ULK4: variants seen among roughly 807,000 people sequenced by gnomAD.
ULK4 encodes inactive serine/threonine-protein kinase ULK4.
ULK4 carries 133 observed loss-of-function variants against 160.6 expected under a neutral mutation model. The ratio of observed to expected loss-of-function variants is 0.83; its 90% CI spans 0.72 to 0.96. The LOEUF (loss-of-function observed/expected upper bound fraction) is 0.96. Ranked by LOEUF, ULK4 falls within the 40% of genes least tolerant of loss-of-function variation. ULK4 has a pLI of 0.00. For synonymous variants in ULK4, 534 were observed against 539.8 expected (o/e 0.99, Z 0.15); for missense variants, 1,580 against 1,499.5 (o/e 1.05, Z -0.89).
chr3:41,940,874 A>G lies in ULK4; in HGVS notation c.139-2677T>C, dbSNP rs79745989. Among the ~76,000 whole-genome samples, 1,191 of 152,272 alleles carry G rather than the reference A, an allele frequency of 7.8e-3. 47 individuals are homozygous for G. In the East Asian group the frequency reaches 0.13, roughly 16 times the overall value. On this transcript the variant is annotated intron_variant, in intron 2 of 36. Coordinates refer to ENST00000301831, the MANE Select transcript of ULK4 (RefSeq NM_017886.4). ...ACAAATGATAAAGATGCAAAAGCCT[A>G]TCTGTTAAAAAATACTAAGTTGTTT... is the stretch of plus-strand genomic sequence containing the variant.
In ULK4 at chr3:41,412,553, A is replaced by ATTTTTTTTTTTTTTTTTTTTTTTT. The variant is rs57224854; in HGVS notation, c.3493-14313_3493-14290dup. ...TAAAGGTCAATGGCAATGCAGTTGA[A>ATTTTTTTTTTTTTTTTTTTTTTTT]TTTTTTTTTTTTTTTTTTTTTTTTT... On this transcript the variant is annotated intron_variant, in intron 34 of 36. Coordinates refer to ENST00000301831, the MANE Select transcript of ULK4 (RefSeq NM_017886.4). 3.4e-4 allele frequency among the ~76,000 whole-genome samples: 34 copies of ATTTTTTTTTTTTTTTTTTTTTTTT among 100,426 alleles called. 2 individuals are homozygous for ATTTTTTTTTTTTTTTTTTTTTTTT. The highest frequency in any genetic ancestry group is 6.0e-4 in the South Asian group (2 of 3,358). 65.9% of individuals were successfully genotyped at this position (100,426 alleles called of 152,430 possible).
At chr3:41,276,451 C>A (rs1199241826) in intron 35 of ULK4, among the ~76,000 whole-genome samples, 1 of 152,168 alleles carries the variant, frequency 6.6e-6, no homozygotes, top group African/African-American at 2.4e-5. Context: ...AGCCCTTGCA[C>A]CCTTCACGAG....
intron 35 of ULK4, among the ~76,000 whole-genome samples, chr3:41,373,758 C>T (rs1293822458): frequency 6.6e-6 from 1 of 152,048 alleles, no homozygotes; most frequent in East Asian, 1.9e-4. Context: ...AATTCAAAAG[C>T]TAGCAGAAGG....
chr3:41,492,381 T>C (rs541572171), intron 32 of ULK4, among the ~76,000 whole-genome samples: 4 of 141,924 alleles, frequency 2.8e-5, no homozygotes, highest in Admixed American at 1.4e-4. Flanking sequence ...CTCCACATCC[T>C]CCCCAGCATC....
rs556900577 is a variant in ULK4, at chr3:41,377,070, A to G, written c.3678+21009T>C. ...GAACAGAGCCCTCAGAAATAACGCC[A>G]CATATCTACAACTATCTGATCTTTG... On this transcript the variant is annotated intron_variant, in intron 35 of 36. Transcript: ENST00000301831. 3.7e-3 allele frequency among the ~76,000 whole-genome samples: 564 copies of G among 152,056 alleles called. 4 individuals are homozygous for G. Among genetic ancestry groups the G allele is most frequent in the Middle Eastern group, 6.8e-3 (2 of 294 alleles).
intron 1 of ULK4, among the ~76,000 whole-genome samples, chr3:41,961,550 A>ACCCCCCCCCCCCCCCCCCCCC (rs201424516): frequency 3.2e-5 from 4 of 124,710 alleles, no homozygotes; most frequent in African/African-American, 8.5e-5. Context: ...GTAGTCACTC[A>ACCCCCCCCCCCCCCCCCCCCC]CCCCCCCCCC....
chr3:41,576,944 T>C (rs1575439363), intron 31 of ULK4, among the ~76,000 whole-genome samples: 1 of 152,018 alleles, frequency 6.6e-6, no homozygotes, highest in East Asian at 1.9e-4. Flanking sequence ...AGAAAGAAAA[T>C]ATCACAGTGA....
chr3:41,851,279 A>G (rs1166485044), intron 17 of ULK4, among the ~76,000 whole-genome samples: 2 of 152,152 alleles, frequency 1.3e-5, no homozygotes, highest in African/African-American at 4.8e-5. Context: ...GAGAGTTTTT[A>G]GCATGAAGGG....
At chr3:41,691,674 A>C (rs76374978) in intron 27 of ULK4, among the ~76,000 whole-genome samples, 4,349 of 151,924 alleles carry the variant, frequency 0.029, 195 homozygotes, top group African/African-American at 0.093. Flanking sequence ...GTAGTGGCTA[A>C]ATTGTCTTAG....
rs371264037 is a variant in ULK4, at chr3:41,705,238, T to G, written c.2686+16A>C. The G allele has an allele frequency of 6.2e-6, 10 of 1,613,388 alleles. No homozygotes were observed. Among genetic ancestry groups the G allele is most frequent in the African/African-American group, 2.7e-5 (2 of 74,900 alleles). On this transcript the variant is annotated intron_variant, in intron 26 of 36. Transcript: ENST00000301831. ...TACCTCAAACAAAGACACAAAATGT[T>G]CCAGGGTCTACTCACCTATGGCTCC...
chr3:41,484,759 C>A (rs2084463445), intron 32 of ULK4, among the ~76,000 whole-genome samples: 1 of 152,048 alleles, frequency 6.6e-6, no homozygotes, highest in East Asian at 1.9e-4. Context: ...GCCCGAGTGA[C>A]CTTTTTACGC....
chr3:41,247,467 G>A (rs2078666287), intron 36 of ULK4, among the ~76,000 whole-genome samples: 1 of 152,202 alleles, frequency 6.6e-6, no homozygotes, highest in Non-Finnish European at 1.5e-5. Flanking sequence ...TTTTACTGGA[G>A]CAAATTGTTT....
intron 17 of ULK4, among the ~76,000 whole-genome samples, chr3:41,858,509 ATTTT>A (rs552326948): frequency 1.7e-4 from 21 of 124,498 alleles, no homozygotes; most frequent in East Asian, 2.3e-4. Flanking sequence ...AAATTTTTCA[ATTTT>A]TTTTTTTTTT....
At chr3:41,513,395 T>C (rs1024487962) in intron 32 of ULK4, among the ~76,000 whole-genome samples, 6 of 152,212 alleles carry the variant, frequency 3.9e-5, no homozygotes, top group Non-Finnish European at 8.8e-5. Context: ...CCCAGCACTT[T>C]GGGAGGCCAA....
At chr3:41,463,482 T>C (rs2083745509) in intron 32 of ULK4, among the ~76,000 whole-genome samples, 1 of 152,178 alleles carries the variant, frequency 6.6e-6, no homozygotes, top group Admixed American at 6.5e-5. Context: ...CCCAAGTGAT[T>C]TTGATGCAAA....
intron 21 of ULK4, among the ~76,000 whole-genome samples, chr3:41,781,464 T>G (rs2039839215): frequency 6.6e-6 from 1 of 151,982 alleles, no homozygotes; most frequent in Non-Finnish European, 1.5e-5. Flanking sequence ...GTGGCTATTT[T>G]GAGAATGTAT....
intron 19 of ULK4, among the ~76,000 whole-genome samples, chr3:41,807,224 C>T (rs1022032459): frequency 1.3e-5 from 2 of 151,962 alleles, no homozygotes; most frequent in Admixed American, 6.6e-5. Context: ...TTAAAGATTA[C>T]ATAATCCTAC....
chr3:41,793,505 T>TA (rs2040210080), intron 20 of ULK4, among the ~76,000 whole-genome samples: 1 of 152,144 alleles, frequency 6.6e-6, no homozygotes, highest in African/African-American at 2.4e-5. Context: ...CACACACTCT[T>TA]ATCTGACCCC....
chr3:41,583,319 T>C (rs952415271), intron 31 of ULK4, among the ~76,000 whole-genome samples: 1 of 152,190 alleles, frequency 6.6e-6, no homozygotes, highest in Admixed American at 6.5e-5. Context: ...CCTCTCTCTA[T>C]TGAAATAACC....
Sources: gnomAD v4.1 joint callset for allele counts (sites outside exome capture counted in the v4.1 genomes callset) on GRCh38, gnomAD v4.1.1 for gene constraint, MANE v1.5 for transcripts, NCBI Gene and HGNC (gene_info 2026-07-23, HGNC 2026-07-21) for gene names.